HOOK3: variants seen among roughly 807,000 people sequenced by gnomAD.
The protein encoded by HOOK3 is protein Hook homolog 3.
A neutral mutation model predicts 116.3 loss-of-function variants in HOOK3; 24 were observed. The observed-to-expected ratio is 0.21, with a 90% CI of 0.15 to 0.29. The LOEUF (loss-of-function observed/expected upper bound fraction) is 0.29. HOOK3 is among the 10% of genes least tolerant of loss of function. The probability of loss-of-function intolerance (pLI) is 1.00; values close to 1 mark genes in which losing one functional copy is unlikely to be tolerated. For missense variants in HOOK3, 632 were observed against 830.2 expected (o/e 0.76, Z 2.93); for synonymous variants, 275 against 283.0 (o/e 0.97, Z 0.28).
chr8:43,020,656 G>A lies in HOOK3; in HGVS notation c.*2158G>A, dbSNP rs150276139. On this transcript the variant is annotated 3_prime_UTR_variant, in exon 22 of 22. Coordinates refer to ENST00000307602, the MANE Select transcript of HOOK3 (RefSeq NM_032410.4). ...TTGAACTCAGGAGCCAGAGACTGCAGTGAGCTGAGATCGCACCACTGCATT... is the reference window on the plus strand; with the variant it reads ...TTGAACTCAGGAGCCAGAGACTGCAATGAGCTGAGATCGCACCACTGCATT... 908 of 175,334 alleles carry A rather than the reference G, an allele frequency of 5.2e-3. 6 individuals carry two copies. Among genetic ancestry groups the A allele is most frequent in the Non-Finnish European group, 5.7e-3 (465 of 81,312 alleles). 10.9% of individuals were successfully genotyped at this position (175,334 alleles called of 1,614,324 possible).
chr8:42,957,737 C>G (rs574701279), intron 7 of HOOK3, among the ~76,000 whole-genome samples: 5 of 151,590 alleles, frequency 3.3e-5, no homozygotes, highest in African/African-American at 4.9e-5. Flanking sequence ...ATTAAATGCT[C>G]TAAGAACTAC....
rs1270345569 is a variant in HOOK3, at chr8:42,923,979, A to G, written c.144-1578A>G. On this transcript the variant is annotated intron_variant, in intron 2 of 21. Transcript: ENST00000307602. Reference sequence around the variant, plus strand: ...ACCTAAATAATTTTTCTTTTTTCAGAATAGGTAAAAATTCTGAATATCATG... The same window carrying G: ...ACCTAAATAATTTTTCTTTTTTCAGGATAGGTAAAAATTCTGAATATCATG... Among the ~76,000 whole-genome samples the G allele has an allele frequency of 2.0e-5, 3 of 152,202 alleles. No homozygotes were observed. The East Asian group carries it at 5.8e-4, about 29-fold the overall frequency.
chr8:42,960,232 A>G (rs1431136756), intron 8 of HOOK3, among the ~76,000 whole-genome samples: 1 of 152,234 alleles, frequency 6.6e-6, no homozygotes, highest in Non-Finnish European at 1.5e-5. Flanking sequence ...CAATTTTATC[A>G]TGGCTCCTTT....
At position 42,910,214 on chromosome 8, in the gene HOOK3, A is replaced by AT. The variant is rs573804228; in HGVS notation, c.143+3964dup. On this transcript the variant is annotated intron_variant, in intron 2 of 21. Transcript: ENST00000307602. Reference sequence around the variant, plus strand: ...TAGTTTGTCAATGTAAATTTTGAAAATTTTTTTTCATGAATTGAAGTAAAC... The same window carrying AT: ...TAGTTTGTCAATGTAAATTTTGAAAATTTTTTTTTCATGAATTGAAGTAAAC... Among the ~76,000 whole-genome samples the AT allele has an allele frequency of 2.4e-4, 37 of 152,078 alleles. 1 individual carries two copies. In the East Asian group the frequency reaches 6.8e-3, roughly 28 times the overall value.
chr8:42,946,295 A>G (rs1808224085), intron 5 of HOOK3, among the ~76,000 whole-genome samples: 1 of 152,136 alleles, frequency 6.6e-6, no homozygotes, highest in Non-Finnish European at 1.5e-5. Flanking sequence ...GGGTCAGGGA[A>G]GTTATTTAAG....
At chr8:42,900,574 C>T (rs1379229735) in intron 1 of HOOK3, among the ~76,000 whole-genome samples, 7 of 152,146 alleles carry the variant, frequency 4.6e-5, no homozygotes, top group Non-Finnish European at 1.0e-4. Context: ...TTCCATTCTC[C>T]TCTGCCTAAC....
chr8:42,897,468 T>G (rs1274223432), intron 1 of HOOK3, among the ~76,000 whole-genome samples: 1 of 146,844 alleles, frequency 6.8e-6, no homozygotes. Flanking sequence ...CGCTGCGCTC[T>G]GGGGGTGGCC....
At chr8:42,975,238 T>G (rs1299529531) in intron 13 of HOOK3, among the ~76,000 whole-genome samples, 1 of 152,192 alleles carries the variant, frequency 6.6e-6, no homozygotes, top group Non-Finnish European at 1.5e-5. Context: ...CTGTGTTCCC[T>G]TAAGGAGGAT....
rs1449557590 is a variant in HOOK3, at chr8:42,906,187, T to C, written c.72T>C (p.Asn24=). 13 of 1,234,604 alleles carry C rather than the reference T, an allele frequency of 1.1e-5. No homozygotes were observed. Among genetic ancestry groups the C allele is most frequent in the African/African-American group, 1.7e-5 (1 of 60,416 alleles). 76.5% of individuals were successfully genotyped at this position (1,234,604 alleles called of 1,614,324 possible). Residue 24 remains asparagine, a synonymous_variant, in exon 2 of 22, where the codon AAT becomes AAC. Coordinates refer to ENST00000307602, the MANE Select transcript of HOOK3 (RefSeq NM_032410.4). ...TTTCCCTTCAGATCCAGACATTTAATGTGGATGCACCATGCCAGACCGTGG... is the reference window on the plus strand; with the variant it reads ...TTTCCCTTCAGATCCAGACATTTAACGTGGATGCACCATGCCAGACCGTGG... ...ESLLTWIQTF[N]VDAPCQTVED...
At chr8:43,004,309 G>A (rs1809431583) in intron 17 of HOOK3, among the ~76,000 whole-genome samples, 1 of 149,232 alleles carries the variant, frequency 6.7e-6, no homozygotes, top group South Asian at 2.1e-4. Flanking sequence ...AGAGGTTGCA[G>A]TGAGCCGAGA....
chr8:42,942,881 G>A (rs773384526), intron 4 of HOOK3, among the ~76,000 whole-genome samples: 2 of 152,200 alleles, frequency 1.3e-5, no homozygotes, highest in Non-Finnish European at 2.9e-5. Context: ...CCTTCCTGAC[G>A]TAGGTATTTT....
chr8:42,913,162 A>C (rs193237179), intron 2 of HOOK3, among the ~76,000 whole-genome samples: 7 of 152,230 alleles, frequency 4.6e-5, no homozygotes, highest in Non-Finnish European at 8.8e-5. Context: ...ACATTTTAAA[A>C]AGGATACAAT....
intron 21 of HOOK3, among the ~76,000 whole-genome samples, chr8:43,017,769 C>T (rs966877370): frequency 2.6e-5 from 4 of 152,146 alleles, no homozygotes; most frequent in African/African-American, 9.7e-5. Context: ...CCTCCTCTCC[C>T]TTCTAAGTTA....
At chr8:42,937,352 ATTT>A (rs35303192) in intron 4 of HOOK3, among the ~76,000 whole-genome samples, 1,936 of 113,898 alleles carry the variant, frequency 0.017, 41 homozygotes, top group African/African-American at 0.061. Flanking sequence ...GGATTCATTG[ATTT>A]TTTTTTTTTT....
rs1277678013 is a variant in HOOK3 at position 42,919,815 on chromosome 8, G to A, written c.144-5742G>A. ...AAACCAGTCAGGCGTGGCGGTGCGCGCCTGCAATCCCAGGCACTCGGCAGG... is the reference window on the plus strand; with the variant it reads ...AAACCAGTCAGGCGTGGCGGTGCGCACCTGCAATCCCAGGCACTCGGCAGG... On this transcript the variant is annotated intron_variant, in intron 2 of 21. Transcript: ENST00000307602. Among the ~76,000 whole-genome samples the A allele has an allele frequency of 3.9e-5, 6 of 152,146 alleles. No individual in the cohort carries two copies. In the East Asian group the frequency reaches 5.8e-4, roughly 15 times the overall value.
chr8:42,899,336 T>C (rs982110491), intron 1 of HOOK3, among the ~76,000 whole-genome samples: 1 of 152,238 alleles, frequency 6.6e-6, no homozygotes, highest in Non-Finnish European at 1.5e-5. Flanking sequence ...GAAATGTCAC[T>C]GGAAACTCAT....
At chr8:42,962,592 G>A (rs1164543966) in intron 8 of HOOK3, among the ~76,000 whole-genome samples, 6 of 151,280 alleles carry the variant, frequency 4.0e-5, no homozygotes, top group African/African-American at 1.2e-4. Context: ...TTTTTGTGGA[G>A]ACAGGGTCTC....
intron 12 of HOOK3, among the ~76,000 whole-genome samples, chr8:42,973,647 C>G (rs1288875914): frequency 6.6e-6 from 1 of 152,134 alleles, no homozygotes; most frequent in African/African-American, 2.4e-5. Flanking sequence ...CTGTTGCCTC[C>G]TTTACGTTGT....
chr8:43,007,965 C>T (rs754430782), intron 18 of HOOK3, 36 bp downstream of exon 18: 4 of 1,129,034 alleles, frequency 3.5e-6, no homozygotes, highest in Non-Finnish European at 4.0e-6. Flanking sequence ...TTTAAGTGGG[C>T]TTGCTGTATA....
Sources: allele counts gnomAD v4.1 joint callset (sites outside exome capture counted in the v4.1 genomes callset), GRCh38; gene constraint gnomAD v4.1.1; transcripts MANE v1.5; gene names NCBI Gene and HGNC (gene_info 2026-07-23, HGNC 2026-07-21).